C10orf67: variants seen among roughly 807,000 people sequenced by gnomAD.
C10orf67 encodes the protein chromosome 10 open reading frame 67.
In C10orf67, 60 loss-of-function variants were observed where a neutral mutation model predicts 35.6. The observed-to-expected ratio is 1.68, with a 90% confidence interval of 1.37 to 2.09. The LOEUF is 2.09. C10orf67 is among the 30% of genes most tolerant of loss of function. C10orf67 has a pLI of 0.00. For synonymous variants in C10orf67, 167 were observed against 115.8 expected, an observed-to-expected ratio of 1.44 and a Z score of -2.84; for missense variants, 474 against 330.2, an observed-to-expected ratio of 1.44 and a Z score of -3.38.
At chr10:23,251,584 A>T (rs1329638120) in intron 10 of C10orf67, among the ~76,000 whole-genome samples, 1 of 152,216 alleles carries the variant, frequency 6.6e-6, no homozygotes, top group Non-Finnish European at 1.5e-5. Context: ...TGTGCTACAG[A>T]ATAATACTAA....
chr10:23,327,127 A>C (rs1845232362), intron 2 of C10orf67, among the ~76,000 whole-genome samples: 1 of 152,130 alleles, frequency 6.6e-6, no homozygotes, highest in Admixed American at 6.5e-5. Flanking sequence ...AAAATAGTTA[A>C]TTATTAGTAG....
chr10:23,299,881 G>C (rs1353634314), intron 5 of C10orf67, among the ~76,000 whole-genome samples: 2 of 152,068 alleles, frequency 1.3e-5, no homozygotes, highest in African/African-American at 4.8e-5. Context: ...AGGAGGCTGA[G>C]GCAGGAGAAT....
At chr10:23,247,551 A>G (rs1039878411) in intron 12 of C10orf67, among the ~76,000 whole-genome samples, 1 of 152,204 alleles carries the variant, frequency 6.6e-6, no homozygotes, top group Admixed American at 6.5e-5. Context: ...CATTTCTCAG[A>G]ATCTATCCCT....
intron 5 of C10orf67, among the ~76,000 whole-genome samples, chr10:23,301,330 G>C (rs571412346): frequency 6.6e-6 from 1 of 152,112 alleles, no homozygotes; most frequent in African/African-American, 2.4e-5. Flanking sequence ...CAACCCAGAA[G>C]TGTTGGGGGT....
intron 1 of C10orf67, among the ~76,000 whole-genome samples, chr10:23,342,264 C>G (rs1201160250): frequency 1.3e-5 from 2 of 151,500 alleles, no homozygotes; most frequent in East Asian, 3.9e-4. Flanking sequence ...ACTCACTTTC[C>G]TCTTCTCCCT....
At chr10:23,291,020 T>G (rs1564492937) in intron 6 of C10orf67, 112 bp downstream of exon 6, 5 of 594,868 alleles carry the variant, frequency 8.4e-6, no homozygotes, top group South Asian at 2.2e-5. Flanking sequence ...AAATTCATCT[T>G]TCAAATGTAA....
rs567934209 is a variant in C10orf67 at position 23,269,106 on chromosome 10, G to A, written c.976-1852C>T. ...AATGTAATAAATCATCCCTCAGATA[G>A]AACCTGTGATCTTTAGAAAGGACTG... is the stretch of plus-strand genomic sequence containing the variant. On this transcript the variant is annotated intron_variant, in intron 8 of 15. Coordinates refer to ENST00000636213, the MANE Select transcript of C10orf67 (RefSeq NM_001371909.1). Among the ~76,000 whole-genome samples the A allele has an allele frequency of 2.8e-3, 429 of 152,242 alleles. 2 individuals are homozygous for A. The highest frequency in any genetic ancestry group is 3.5e-3 in the South Asian group (17 of 4,828).
intron 12 of C10orf67, among the ~76,000 whole-genome samples, chr10:23,249,271 A>G (rs1555802): frequency 0.6 from 90,510 of 151,836 alleles, 27,967 homozygotes; most frequent in East Asian, 0.88. Context: ...AATAAATAAG[A>G]GAAAGTCATT....
intron 3 of C10orf67, 68 bp downstream of exon 3, chr10:23,322,326 C>A: frequency 6.7e-7 from 1 of 1,487,346 alleles, no homozygotes. Context: ...AAATTCTAAA[C>A]TGCACTGCAT....
intron 4 of C10orf67, among the ~76,000 whole-genome samples, chr10:23,304,584 C>T (rs1260867930): frequency 6.6e-6 from 1 of 152,100 alleles, no homozygotes; most frequent in African/African-American, 2.4e-5. Context: ...AGGAGCCTGG[C>T]AGGAGGCACA....
intron 2 of C10orf67, among the ~76,000 whole-genome samples, chr10:23,322,924 A>G (rs1300463064): frequency 6.6e-6 from 1 of 152,154 alleles, no homozygotes; most frequent in Non-Finnish European, 1.5e-5. Flanking sequence ...AAAAATTCCA[A>G]TTCATTCTCT....
intron 4 of C10orf67, chr10:23,316,669 G>T (rs1844722859): frequency 6.5e-6 from 1 of 152,728 alleles, no homozygotes; most frequent in Admixed American, 6.5e-5. Context: ...CTGCAAGCAG[G>T]TCATCCCAGC....
At chr10:23,287,768 T>A (rs1027422838) in intron 7 of C10orf67, among the ~76,000 whole-genome samples, 8 of 151,944 alleles carry the variant, frequency 5.3e-5, no homozygotes, top group African/African-American at 1.9e-4. Flanking sequence ...TTAATCAAAT[T>A]TACAAGAAAA....
intron 13 of C10orf67, among the ~76,000 whole-genome samples, chr10:23,228,478 TA>T (rs1841807401): frequency 6.6e-6 from 1 of 152,110 alleles, no homozygotes; most frequent in East Asian, 1.9e-4. Context: ...CCTAAAACCA[TA>T]AAAACCCTAG....
intron 2 of C10orf67, among the ~76,000 whole-genome samples, chr10:23,328,222 C>T (rs1040696497): frequency 1.3e-5 from 2 of 152,162 alleles, no homozygotes; most frequent in East Asian, 1.9e-4. Flanking sequence ...GCCCAATATC[C>T]GGCATCATGG....
rs150716956 is a variant in C10orf67 at position 23,208,598 on chromosome 10, A to G, written c.1571-4343T>C. On this transcript the variant is annotated intron_variant, in intron 15 of 15. Transcript: ENST00000636213. ...ATTCCAGGCACTGAGAAAAATCTCTATATCCTCAGTGCCTCGCCTAGGCCT... is the reference window on the plus strand; with the variant it reads ...ATTCCAGGCACTGAGAAAAATCTCTGTATCCTCAGTGCCTCGCCTAGGCCT... Among the ~76,000 whole-genome samples, 300 of 152,260 alleles carry G rather than the reference A, an allele frequency of 2.0e-3. 3 individuals are homozygous for G. Among genetic ancestry groups the G allele is most frequent in the African/African-American group, 5.7e-3 (237 of 41,538 alleles).
In C10orf67 at chr10:23,239,341, T is replaced by G. The variant is rs1401483114; in HGVS notation, c.1434+388A>C. Among the ~76,000 whole-genome samples, 3 of 152,182 alleles carry G rather than the reference T, an allele frequency of 2.0e-5. No homozygotes were observed. The East Asian group carries it at 5.8e-4, about 29-fold the overall frequency. On this transcript the variant is annotated intron_variant, in intron 13 of 15. Transcript: ENST00000636213. ...TTGGCACTAGGAACAGATTCTCCTA[T>G]CTTCTTTTTTTCCTTTGGATGTGAC...
intron 5 of C10orf67, among the ~76,000 whole-genome samples, chr10:23,293,527 T>G (rs1843784598): frequency 1.3e-5 from 2 of 152,160 alleles, no homozygotes; most frequent in South Asian, 4.1e-4. Flanking sequence ...ACCAGGAGAC[T>G]TTTAAAAAAT....
intron 10 of C10orf67, among the ~76,000 whole-genome samples, chr10:23,263,988 A>G (rs1842821366): frequency 1.3e-5 from 2 of 152,188 alleles, no homozygotes; most frequent in African/African-American, 4.8e-5. Flanking sequence ...TGCTGTTCCC[A>G]CCGAATGACA....
Sources: gnomAD v4.1 joint callset for allele counts (sites outside exome capture counted in the v4.1 genomes callset) on GRCh38, gnomAD v4.1.1 for gene constraint, MANE v1.5 for transcripts, NCBI Gene and HGNC (gene_info 2026-07-23, HGNC 2026-07-21) for gene names.